The following CNTNAP2 variants were observed in gnomAD, a reference collection of about 807,000 sequenced individuals.
CNTNAP2 encodes the protein contactin-associated protein-like 2.
Under a neutral mutation model 155.2 loss-of-function variants are expected in CNTNAP2, and 98 were observed. The observed-to-expected ratio is 0.63, with a 90% CI of 0.54 to 0.75. CNTNAP2 has a LOEUF of 0.75. Ranked by LOEUF, CNTNAP2 falls within the 30% of genes least tolerant of loss-of-function variation. The pLI is 0.00. For missense variants in CNTNAP2, 1,727 were observed against 1,688.1 expected (o/e 1.02, Z -0.40); for synonymous variants, 651 against 631.2 (o/e 1.03, Z -0.47).
At chr7:148,135,723 C>T (rs936612755) in intron 16 of CNTNAP2, among the ~76,000 whole-genome samples, 5 of 143,626 alleles carry the variant, frequency 3.5e-5, no homozygotes, top group South Asian at 2.2e-4. Flanking sequence ...GTGGCAGGTG[C>T]GTGTAATCCC....
At chr7:146,176,662 G>A (rs1018137156) in intron 1 of CNTNAP2, among the ~76,000 whole-genome samples, 1 of 152,120 alleles carries the variant, frequency 6.6e-6, no homozygotes, top group Admixed American at 6.6e-5. Flanking sequence ...ACCAAGCATT[G>A]TTTTAGCTGC....
intron 15 of CNTNAP2, among the ~76,000 whole-genome samples, chr7:148,052,854 C>T (rs918720051): frequency 2.0e-5 from 3 of 152,168 alleles, no homozygotes; most frequent in African/African-American, 7.2e-5. Context: ...TGAGACCAGG[C>T]TGGCCAATAT....
In CNTNAP2 at chr7:147,717,852, G is replaced by A. The variant is rs183600504; in HGVS notation, c.2098+78546G>A. ...GTTATGATGGTGCCACTGCACTCCA[G>A]CCTGGGCAACAGAGTGAAAACCCGT... On this transcript the variant is annotated intron_variant, in intron 13 of 23. Transcript: ENST00000361727. Among the ~76,000 whole-genome samples the A allele has an allele frequency of 5.3e-5, 8 of 152,072 alleles. No individual in the cohort carries two copies. In the East Asian group the frequency reaches 5.8e-4, roughly 11 times the overall value.
chr7:147,428,696 G>C (rs1797420388), intron 10 of CNTNAP2, among the ~76,000 whole-genome samples: 1 of 152,180 alleles, frequency 6.6e-6, no homozygotes, highest in African/African-American at 2.4e-5. Flanking sequence ...GCTTTAGAAA[G>C]ATAAGGAGAC....
At chr7:147,231,950 T>C (rs1262622451) in intron 8 of CNTNAP2, among the ~76,000 whole-genome samples, 1 of 152,258 alleles carries the variant, frequency 6.6e-6, no homozygotes, top group Non-Finnish European at 1.5e-5. Flanking sequence ...TAGTTTTATA[T>C]AGTCCTGCTT....
chr7:146,226,071 A>G (rs1032303976), intron 1 of CNTNAP2, among the ~76,000 whole-genome samples: 1 of 152,230 alleles, frequency 6.6e-6, no homozygotes, highest in Non-Finnish European at 1.5e-5. Context: ...CCCATTTCTT[A>G]GAACAATTCC....
chr7:147,211,847 TG>T (rs1218459808), intron 8 of CNTNAP2, among the ~76,000 whole-genome samples: 1 of 152,030 alleles, frequency 6.6e-6, no homozygotes, highest in Non-Finnish European at 1.5e-5. Context: ...CAAAAGAAAC[TG>T]TTAACAAAGT....
chr7:147,020,208 A>C (rs967073836), intron 3 of CNTNAP2, among the ~76,000 whole-genome samples: 1 of 152,186 alleles, frequency 6.6e-6, no homozygotes. Flanking sequence ...AATCATCACC[A>C]ACATACCAGT....
At chr7:147,990,205 G>A (rs1354515325) in intron 15 of CNTNAP2, among the ~76,000 whole-genome samples, 1 of 152,192 alleles carries the variant, frequency 6.6e-6, no homozygotes, top group Non-Finnish European at 1.5e-5. Context: ...GGTGAGGTCG[G>A]GGGAAGCTTC....
intron 11 of CNTNAP2, among the ~76,000 whole-genome samples, chr7:147,528,284 T>A (rs1210713119): frequency 6.6e-6 from 1 of 152,206 alleles, no homozygotes; most frequent in Non-Finnish European, 1.5e-5. Context: ...GATCGTGGCA[T>A]AAGGCAGACT....
At chr7:147,348,583 T>A (rs1440403765) in intron 9 of CNTNAP2, among the ~76,000 whole-genome samples, 2 of 151,952 alleles carry the variant, frequency 1.3e-5, no homozygotes, top group African/African-American at 4.8e-5. Flanking sequence ...GAAAAAAGTA[T>A]GGAGGTCCTC....
chr7:146,975,983 T>C (rs1797903277), intron 3 of CNTNAP2, among the ~76,000 whole-genome samples: 1 of 152,166 alleles, frequency 6.6e-6, no homozygotes, highest in Admixed American at 6.5e-5. Context: ...TAAAGTCTAA[T>C]GATGATGAGC....
In CNTNAP2 at chr7:147,472,535, G is replaced by A. The variant is rs145300068; in HGVS notation, c.1671-13400G>A. Among the ~76,000 whole-genome samples the A allele has an allele frequency of 4.4e-3, 672 of 152,056 alleles. 2 individuals carry two copies. Among genetic ancestry groups the A allele is most frequent in the African/African-American group, 0.015 (625 of 41,470 alleles). ...GCCCAACAACGATTTTTAAAGTAGCGTGACATGTGAAAGATCAGTCTGCCA... is the reference window on the plus strand; with the variant it reads ...GCCCAACAACGATTTTTAAAGTAGCATGACATGTGAAAGATCAGTCTGCCA... On this transcript the variant is annotated intron_variant, in intron 10 of 23. Transcript: ENST00000361727.
intron 15 of CNTNAP2, among the ~76,000 whole-genome samples, chr7:148,091,065 T>C (rs1242138841): frequency 3.3e-5 from 5 of 151,658 alleles, no homozygotes; most frequent in Non-Finnish European, 7.4e-5. Flanking sequence ...CCACAGAGAC[T>C]GGGAGGTGGT....
chr7:146,457,834 A>C (rs1355814659), intron 1 of CNTNAP2, among the ~76,000 whole-genome samples: 7 of 151,958 alleles, frequency 4.6e-5, no homozygotes, highest in Non-Finnish European at 1.0e-4. Context: ...TAATTTGCAA[A>C]AATTATTATT....
intron 1 of CNTNAP2, among the ~76,000 whole-genome samples, chr7:146,735,855 T>C (rs1801610365): frequency 6.6e-6 from 1 of 152,024 alleles, no homozygotes; most frequent in African/African-American, 2.4e-5. Context: ...AGGGTGACTG[T>C]AGTTAAAAAT....
chr7:147,827,474 C>T (rs10246029), intron 13 of CNTNAP2, among the ~76,000 whole-genome samples: 4,613 of 151,996 alleles, frequency 0.03, 218 homozygotes, highest in African/African-American at 0.11. Context: ...GTTGAGTAAA[C>T]GAATATTTTG....
At chr7:147,363,180 GATTAGC>G (rs1796172882) in intron 9 of CNTNAP2, among the ~76,000 whole-genome samples, 1 of 152,102 alleles carries the variant, frequency 6.6e-6, no homozygotes, top group Non-Finnish European at 1.5e-5. Context: ...CTCATGATGG[GATTAGC>G]ACTCCTATAA....
chr7:147,102,799 G>A (rs2129278131), intron 4 of CNTNAP2, among the ~76,000 whole-genome samples: 1 of 152,216 alleles, frequency 6.6e-6, no homozygotes, highest in South Asian at 2.1e-4. Context: ...AAGGCAGTGG[G>A]TTAGGAGGAA....
Sources: gnomAD v4.1 joint callset for allele counts (sites outside exome capture counted in the v4.1 genomes callset) on GRCh38, gnomAD v4.1.1 for gene constraint, MANE v1.5 for transcripts, NCBI Gene and HGNC (gene_info 2026-07-23, HGNC 2026-07-21) for gene names.